Variants in LRBA observed in about 807,000 individuals in gnomAD.
LRBA encodes lipopolysaccharide-responsive and beige-like anchor protein.
In LRBA, 176 loss-of-function variants were observed where a neutral mutation model predicts 330.0. The ratio of observed to expected loss-of-function variants is 0.53; its 90% confidence interval spans 0.47 to 0.60. LRBA has a LOEUF of 0.60. Among genes scored for constraint, LRBA ranks in the 20% least tolerant of loss-of-function variants. The pLI, the probability that LRBA is intolerant of heterozygous loss-of-function variation, is 0.00. For synonymous variants in LRBA, 1,230 were observed against 1,193.0 expected (o/e 1.03, Z -0.64); for missense variants, 3,259 against 3,444.8 (o/e 0.95, Z 1.35).
intron 53 of LRBA, among the ~76,000 whole-genome samples, chr4:150,288,313 T>G (rs1242430310): frequency 6.6e-6 from 1 of 151,744 alleles, no homozygotes; most frequent in Non-Finnish European, 1.5e-5. Flanking sequence ...GTATACTGTT[T>G]TAAAAAGTTA....
At chr4:150,639,478 T>C (rs1581889818) in intron 37 of LRBA, among the ~76,000 whole-genome samples, 1 of 147,790 alleles carries the variant, frequency 6.8e-6, no homozygotes, top group Non-Finnish European at 1.5e-5. Flanking sequence ...CCACCCGTGG[T>C]ACTCAACAGA....
At chr4:150,301,370 G>T (rs956339623) in intron 53 of LRBA, among the ~76,000 whole-genome samples, 6 of 152,058 alleles carry the variant, frequency 3.9e-5, no homozygotes, top group Non-Finnish European at 5.9e-5. Flanking sequence ...CACAAAGTCT[G>T]TATTATCAAT....
At chr4:150,809,921 ATACG>A (rs1743461872) in intron 31 of LRBA, among the ~76,000 whole-genome samples, 1 of 112,080 alleles carries the variant, frequency 8.9e-6, no homozygotes, top group Non-Finnish European at 1.9e-5. Context: ...ATACGATACG[ATACG>A]ATACGATACT....
intron 35 of LRBA, among the ~76,000 whole-genome samples, chr4:150,748,328 A>C (rs1733033204): frequency 6.6e-6 from 1 of 152,150 alleles, no homozygotes; most frequent in Non-Finnish European, 1.5e-5. Context: ...TCATTCTTCT[A>C]AGAATGTAAG....
intron 48 of LRBA, among the ~76,000 whole-genome samples, chr4:150,347,657 A>C (rs1736569899): frequency 6.6e-6 from 1 of 152,116 alleles, no homozygotes; most frequent in African/African-American, 2.4e-5. Flanking sequence ...AAAAAAAAAA[A>C]AAAACAAAGG....
Position 150,704,499 on chromosome 4 carries a change from G to C in LRBA, c.5755-20782C>G, listed in dbSNP as rs1003121594. 4.0e-5 allele frequency among the ~76,000 whole-genome samples: 6 copies of C among 151,766 alleles called. No homozygotes were observed. In the East Asian group the frequency reaches 5.8e-4, roughly 15 times the overall value. On this transcript the variant is annotated intron_variant, in intron 36 of 56. Coordinates refer to ENST00000651943, the MANE Select transcript of LRBA (RefSeq NM_001364905.1). ...TCTAAATCAAATTTTTCTTAGGTCA[G>C]GGTATTTCAGGTTAACCTTCTGGGA...
chr4:150,473,514 G>T (rs2152071039), intron 42 of LRBA, among the ~76,000 whole-genome samples: 1 of 152,258 alleles, frequency 6.6e-6, no homozygotes, highest in East Asian at 1.9e-4. Flanking sequence ...GCATCATCCA[G>T]TCAATTGAGG....
Position 151,003,885 on chromosome 4 carries a change from CTGTGTGTGTGTGTGTGTGTGTGTG to C in LRBA, c.216+10518_216+10541del, listed in dbSNP as rs56025404. Among the ~76,000 whole-genome samples, 3 of 134,198 alleles carry C rather than the reference CTGTGTGTGTGTGTGTGTGTGTGTG, an allele frequency of 2.2e-5. No homozygotes were observed. In the Admixed American group the frequency reaches 2.3e-4, roughly 10 times the overall value. 88.0% of individuals were successfully genotyped at this position (134,198 alleles called of 152,430 possible). On this transcript the variant is annotated intron_variant, in intron 2 of 56. Transcript: ENST00000651943. Reference sequence around the variant, plus strand: ...GAATATGTGTATCTATAGCCAACTGCTGTGTGTGTGTGTGTGTGTGTGTGTGTGTGTGTGTGTGTGTGTGTGTGT... The same window carrying C: ...GAATATGTGTATCTATAGCCAACTGCTGTGTGTGTGTGTGTGTGTGTGTGT...
intron 22 of LRBA, among the ~76,000 whole-genome samples, chr4:150,854,791 G>A (rs1751032121): frequency 6.6e-6 from 1 of 152,144 alleles, no homozygotes; most frequent in Admixed American, 6.6e-5. Context: ...TGGTATGTAT[G>A]ATGAATAACA....
intron 2 of LRBA, among the ~76,000 whole-genome samples, chr4:150,954,010 C>CG (rs1411339351): frequency 8.7e-6 from 1 of 114,988 alleles, no homozygotes; most frequent in African/African-American, 3.3e-5. Flanking sequence ...TCTGACCGGC[C>CG]ACCCCGTCTG....
At chr4:150,390,996 T>C (rs1743834214) in intron 47 of LRBA, among the ~76,000 whole-genome samples, 1 of 152,154 alleles carries the variant, frequency 6.6e-6, no homozygotes, top group African/African-American at 2.4e-5. Flanking sequence ...CCTTGCAGTT[T>C]TAGGAAGCCC....
chr4:150,326,569 C>T (rs1218186946), intron 48 of LRBA, among the ~76,000 whole-genome samples: 1 of 152,226 alleles, frequency 6.6e-6, no homozygotes, highest in African/African-American at 2.4e-5. Flanking sequence ...TTGGTGCACA[C>T]ATAGCACACA....
chr4:150,875,087 G>A (rs1753851401), intron 17 of LRBA, among the ~76,000 whole-genome samples: 1 of 152,120 alleles, frequency 6.6e-6, no homozygotes, highest in Admixed American at 6.5e-5. Context: ...AGATTTCCAG[G>A]CATTCAGACT....
At chr4:150,523,082 C>T (rs1416595486) in intron 40 of LRBA, among the ~76,000 whole-genome samples, 2 of 152,220 alleles carry the variant, frequency 1.3e-5, no homozygotes, top group East Asian at 3.9e-4. Flanking sequence ...CTCACTCAGT[C>T]TGACTTGGAT....
At chr4:150,724,894 G>A (rs1390735101) in intron 36 of LRBA, among the ~76,000 whole-genome samples, 4 of 145,238 alleles carry the variant, frequency 2.8e-5, no homozygotes, top group African/African-American at 7.6e-5. Context: ...ATATATATAT[G>A]TATATATATA....
intron 2 of LRBA, among the ~76,000 whole-genome samples, chr4:150,994,823 A>G (rs1244916739): frequency 6.6e-6 from 1 of 152,228 alleles, no homozygotes; most frequent in African/African-American, 2.4e-5. Flanking sequence ...GCTGAATATT[A>G]AAACAAAAAT....
chr4:150,582,142 C>G (rs1771451216), intron 40 of LRBA: 1 of 152,050 alleles, frequency 6.6e-6, no homozygotes, highest in African/African-American at 2.4e-5. Flanking sequence ...ATCGTTATAA[C>G]TACACCCCAG....
At chr4:150,961,585 G>A (rs755444542) in intron 2 of LRBA, among the ~76,000 whole-genome samples, 1 of 149,308 alleles carries the variant, frequency 6.7e-6, no homozygotes, top group East Asian at 1.9e-4. Flanking sequence ...AGAAAGGTTA[G>A]GAGGATAGAA....
At chr4:150,546,202 A>G (rs1040593752) in intron 40 of LRBA, among the ~76,000 whole-genome samples, 3 of 152,242 alleles carry the variant, frequency 2.0e-5, no homozygotes, top group African/African-American at 7.2e-5. Flanking sequence ...CAATATTAAC[A>G]TGGCCACGCT....
Sources: allele counts gnomAD v4.1 joint callset (sites outside exome capture counted in the v4.1 genomes callset), GRCh38; gene constraint gnomAD v4.1.1; transcripts MANE v1.5; gene names NCBI Gene and HGNC (gene_info 2026-07-23, HGNC 2026-07-21).